The following EFCAB5 variants were observed in gnomAD, a reference collection of about 807,000 sequenced individuals.
EFCAB5 encodes EF-hand calcium binding domain 5.
A neutral mutation model predicts 167.9 loss-of-function variants in EFCAB5; 131 were observed. The observed-to-expected ratio is 0.78, with a 90% CI of 0.68 to 0.90. The LOEUF (loss-of-function observed/expected upper bound fraction) is 0.90. EFCAB5 is among the 40% of genes least tolerant of loss of function. The pLI is 0.00. For synonymous variants in EFCAB5, 574 were observed against 602.8 expected, an observed-to-expected ratio of 0.95 and a Z score of 0.70; for missense variants, 1,663 against 1,745.2, an observed-to-expected ratio of 0.95 and a Z score of 0.84.
intron 8 of EFCAB5, among the ~76,000 whole-genome samples, chr17:30,050,320 A>G (rs1161042522): frequency 6.6e-6 from 1 of 152,032 alleles, no homozygotes; most frequent in Non-Finnish European, 1.5e-5. Context: ...TTTTTAGTAG[A>G]GACAGGGTTT....
At chr17:30,092,407 G>C (rs941841864) in intron 21 of EFCAB5, among the ~76,000 whole-genome samples, 1 of 151,674 alleles carries the variant, frequency 6.6e-6, no homozygotes, top group Non-Finnish European at 1.5e-5. Flanking sequence ...TTTTTTTTGA[G>C]ACGGAGTTTC....
At chr17:29,942,509 A>G (rs544759519) in intron 2 of EFCAB5, among the ~76,000 whole-genome samples, 1 of 152,322 alleles carries the variant, frequency 6.6e-6, no homozygotes, top group East Asian at 1.9e-4. Flanking sequence ...TTTGTGAAGA[A>G]CTGTTATAAA....
At chr17:30,101,913 C>T (rs998945172) in intron 22 of EFCAB5, among the ~76,000 whole-genome samples, 6 of 152,238 alleles carry the variant, frequency 3.9e-5, no homozygotes, top group South Asian at 4.1e-4. Context: ...AGTAACCATA[C>T]GTTCTATGTT....
intron 4 of EFCAB5, among the ~76,000 whole-genome samples, chr17:29,974,639 T>G (rs929800416): frequency 1.3e-5 from 2 of 152,162 alleles, no homozygotes; most frequent in African/African-American, 4.8e-5. Flanking sequence ...CCCTTTATGC[T>G]GGAGATAATC....
chr17:30,090,229 CAG>C, intron 19 of EFCAB5, 190 bp from the exon 20 acceptor site: 1 of 703,300 alleles, frequency 1.4e-6, no homozygotes, highest in East Asian at 2.9e-5. Flanking sequence ...GATGTTTGAG[CAG>C]AGACATGAGT....
In EFCAB5 at chr17:30,091,882, G is replaced by A. The variant is rs2071204781; in HGVS notation, c.3949G>A (p.Val1317Ile). 5.0e-6 allele frequency: 8 copies of A among 1,613,508 alleles called. No individual in the cohort carries two copies. The South Asian group carries it at 6.6e-5, about 13-fold the overall frequency. The change falls in exon 21 of 23, where the codon GTC becomes ATC. Residue 1317 changes from valine to isoleucine, a missense_variant. Coordinates refer to ENST00000394835, the MANE Select transcript of EFCAB5 (RefSeq NM_198529.4). ...TTTTGTTATTCCAGAGATTGAAAAT[G>A]TCAGGGAAGTCCAGCGGGCAGGAAT... is the stretch of plus-strand genomic sequence containing the variant. Reference protein sequence around the residue: ...KKKYILEIENVREVQRAGILF... With the variant: ...KKKYILEIENIREVQRAGILF...
At chr17:30,063,396 C>T (rs1163636612) in intron 14 of EFCAB5, among the ~76,000 whole-genome samples, 2 of 152,138 alleles carry the variant, frequency 1.3e-5, no homozygotes, top group African/African-American at 4.8e-5. Flanking sequence ...TGCTTAGGTT[C>T]CCATATTGCA....
At chr17:29,959,659 A>C (rs1461192414) in intron 3 of EFCAB5, among the ~76,000 whole-genome samples, 1 of 151,966 alleles carries the variant, frequency 6.6e-6, no homozygotes, top group Non-Finnish European at 1.5e-5. Flanking sequence ...GGACTCCAGG[A>C]CTCTGCTTGG....
At chr17:30,099,163 C>T (rs572973143) in intron 22 of EFCAB5, among the ~76,000 whole-genome samples, 2 of 152,128 alleles carry the variant, frequency 1.3e-5, no homozygotes, top group East Asian at 1.9e-4. Flanking sequence ...GTATACATAC[C>T]TTTGGAGTGC....
chr17:30,049,390 G>A (rs1476016954), intron 8 of EFCAB5, among the ~76,000 whole-genome samples: 1 of 152,100 alleles, frequency 6.6e-6, no homozygotes, highest in Admixed American at 6.5e-5. Flanking sequence ...TGAGGCAGGA[G>A]AATTGCTTGA....
At chr17:29,968,519 A>G in intron 3 of EFCAB5, 1 of 365,252 alleles carries the variant, frequency 2.7e-6, no homozygotes, top group South Asian at 2.8e-5. Flanking sequence ...TCATGTGATC[A>G]TGAGGTACAA....
chr17:29,954,145 C>T (rs914628778), intron 3 of EFCAB5, among the ~76,000 whole-genome samples: 1 of 152,024 alleles, frequency 6.6e-6, no homozygotes, highest in Non-Finnish European at 1.5e-5. Flanking sequence ...TAGTACTATG[C>T]AATAAAAAAG....
chr17:30,054,152 G>A lies in EFCAB5; in HGVS notation c.2194+4G>A, dbSNP rs1394932298. 8 of 1,526,258 alleles carry A rather than the reference G, an allele frequency of 5.2e-6. No individual in the cohort carries two copies. The highest frequency in any genetic ancestry group is 7.0e-6 in the Non-Finnish European group (8 of 1,139,176). The allele number at this position is 1,526,258 out of a possible 1,614,324, so 94.5% of individuals were successfully genotyped here. A position where few individuals can be genotyped will look rare whatever the true frequency, so the allele number is the denominator to read the frequency against. ...AGCAGAAAAGATCACTTTCCAGGTAGTAATGCAGTTCTTCTACAACATCAG... is the reference window on the plus strand; with the variant it reads ...AGCAGAAAAGATCACTTTCCAGGTAATAATGCAGTTCTTCTACAACATCAG... On this transcript the variant is annotated splice_donor_region_variant and intron_variant, in intron 10 of 22. Coordinates refer to ENST00000394835, the MANE Select transcript of EFCAB5 (RefSeq NM_198529.4).
intron 22 of EFCAB5, among the ~76,000 whole-genome samples, chr17:30,106,802 T>C (rs2071455348): frequency 2.0e-5 from 3 of 152,122 alleles, no homozygotes; most frequent in Admixed American, 1.3e-4. Flanking sequence ...GATCTTCACA[T>C]ATATTTTCTC....
chr17:29,932,449 CTTTTTT>C (rs35262851), intron 1 of EFCAB5, among the ~76,000 whole-genome samples: 95 of 66,746 alleles, frequency 1.4e-3, no homozygotes, highest in African/African-American at 3.8e-3. Context: ...CTGTGCCCGG[CTTTTTT>C]TTTTTTTTTT....
chr17:29,988,674 A>C (rs1428680361), intron 4 of EFCAB5, among the ~76,000 whole-genome samples: 1 of 152,230 alleles, frequency 6.6e-6, no homozygotes, highest in East Asian at 1.9e-4. Flanking sequence ...ACTATTTATA[A>C]AAGCTTGCTG....
At chr17:30,088,724 G>A (rs947925355) in intron 19 of EFCAB5, among the ~76,000 whole-genome samples, 1 of 152,164 alleles carries the variant, frequency 6.6e-6, no homozygotes, top group Non-Finnish European at 1.5e-5. Flanking sequence ...CTTCTTAGGG[G>A]GTCACTGTCG....
chr17:29,996,452 T>C, intron 6 of EFCAB5, 92 bp downstream of exon 6: 1 of 1,148,922 alleles, frequency 8.7e-7, no homozygotes, highest in South Asian at 1.5e-5. Context: ...ATGAGACAGA[T>C]GTTATTCAAA....
intron 7 of EFCAB5, among the ~76,000 whole-genome samples, chr17:30,011,321 G>T (rs1297053751): frequency 6.6e-6 from 1 of 152,188 alleles, no homozygotes; most frequent in Admixed American, 6.5e-5. Flanking sequence ...CTTTAAAGTA[G>T]TTTTTTCCAA....
Sources: allele counts gnomAD v4.1 joint callset (sites outside exome capture counted in the v4.1 genomes callset), GRCh38; gene constraint gnomAD v4.1.1; transcripts MANE v1.5; gene names NCBI Gene and HGNC (gene_info 2026-07-23, HGNC 2026-07-21).